Variants in RAPGEF5 observed in about 807,000 individuals in gnomAD.
The protein encoded by RAPGEF5 is M-Ras-regulated GEF.
Under a neutral mutation model 125.2 loss-of-function variants are expected in RAPGEF5, and 65 were observed. That is an observed-to-expected ratio of 0.52 (90% CI 0.43 to 0.64). The LOEUF is 0.64. Ranked by LOEUF, RAPGEF5 falls within the 30% of genes least tolerant of loss-of-function variation. The pLI, the probability that RAPGEF5 is intolerant of heterozygous loss-of-function variation, is 0.00. For missense variants in RAPGEF5, 958 were observed against 1,048.1 expected, an observed-to-expected ratio of 0.91 and a Z score of 1.19; for synonymous variants, 391 against 385.9, an observed-to-expected ratio of 1.01 and a Z score of -0.16.
At chr7:22,327,355 CCT>C (rs1562530481) in intron 1 of RAPGEF5, among the ~76,000 whole-genome samples, 4 of 152,128 alleles carry the variant, frequency 2.6e-5, no homozygotes, top group African/African-American at 7.2e-5. Flanking sequence ...TTGAATTTCC[CCT>C]GATTCATTAC....
chr7:22,232,466 T>G (rs1044677039), intron 7 of RAPGEF5, among the ~76,000 whole-genome samples: 1 of 151,890 alleles, frequency 6.6e-6, no homozygotes, highest in African/African-American at 2.4e-5. Flanking sequence ...ATTACAGGCG[T>G]GCACTACCAT....
At position 22,310,002 on chromosome 7, in the gene RAPGEF5, G is replaced by A; in HGVS notation, c.478C>T (p.Gln160Ter). Residue 160 changes from glutamine to a stop codon, truncating the protein, a stop_gained, in exon 4 of 26, where the codon CAA becomes TAA. Coordinates refer to ENST00000665637, the MANE Select transcript of RAPGEF5 (RefSeq NM_012294.5). LOFTEE classifies it high-confidence loss of function. ...QCRSMAIGVW[Q>*]LLLDMGIMLS... The stretch of plus-strand genomic sequence containing the variant: ...ATAATTCCCATGTCCAGTAGGAGTT[G>A]CCAGACTCCTATGGCCATAGATCTG... 2 of 1,594,442 alleles carry A rather than the reference G, an allele frequency of 1.3e-6. No homozygotes were observed. The highest frequency in any genetic ancestry group is 1.7e-6 in the Non-Finnish European group (2 of 1,173,336).
intron 7 of RAPGEF5, among the ~76,000 whole-genome samples, chr7:22,232,424 T>C (rs1276213036): frequency 1.3e-5 from 2 of 151,918 alleles, no homozygotes; most frequent in East Asian, 3.9e-4. Context: ...CAAGCGATTC[T>C]CCTGCCTCAC....
intron 7 of RAPGEF5, among the ~76,000 whole-genome samples, chr7:22,248,995 C>T (rs781538244): frequency 3.3e-5 from 5 of 152,126 alleles, no homozygotes; most frequent in South Asian, 2.1e-4. Context: ...AAAACAATAA[C>T]AGGATAAGGT....
chr7:22,255,132 A>T (rs1465482463), intron 7 of RAPGEF5, among the ~76,000 whole-genome samples: 1 of 152,170 alleles, frequency 6.6e-6, no homozygotes, highest in Admixed American at 6.5e-5. Context: ...ATGCCTATTT[A>T]AGCTTGAATA....
chr7:22,229,513 T>C lies in RAPGEF5; in HGVS notation c.870+1333A>G, dbSNP rs139289972. The stretch of plus-strand genomic sequence containing the variant: ...AGGTGCTCAAGCCATTAAATGTATA[T>C]ACATCAATCAAATAAATTGTACATA... On this transcript the variant is annotated intron_variant, in intron 8 of 25. Transcript: ENST00000665637. Among the ~76,000 whole-genome samples the C allele has an allele frequency of 1.3e-3, 205 of 152,342 alleles. 2 individuals carry two copies. In the Middle Eastern group the frequency reaches 0.017, roughly 13 times the overall value.
chr7:22,276,949 T>C (rs1057233310), intron 6 of RAPGEF5, among the ~76,000 whole-genome samples: 1 of 152,250 alleles, frequency 6.6e-6, no homozygotes, highest in African/African-American at 2.4e-5. Flanking sequence ...TTAATTGCTT[T>C]AATATTGCAT....
At chr7:22,130,116 A>T (rs1050159099) in intron 24 of RAPGEF5, among the ~76,000 whole-genome samples, 1 of 152,186 alleles carries the variant, frequency 6.6e-6, no homozygotes, top group South Asian at 2.1e-4. Flanking sequence ...CATCACCATT[A>T]CTGAAAAGGT....
rs567565484 is a variant in RAPGEF5 at position 22,154,344 on chromosome 7, G to T, written c.1786+111C>A. On this transcript the variant is annotated intron_variant, in intron 17 of 25. Transcript: ENST00000665637. ...TTCTTATTGTTACTGTGGTCATCCA[G>T]CTGCGGGCCCAGAAGGGAGGAGCTG... is the stretch of plus-strand genomic sequence containing the variant. The T allele has an allele frequency of 8.0e-6, 10 of 1,249,574 alleles. No homozygotes were observed. In the Admixed American group the frequency reaches 1.7e-4, roughly 22 times the overall value. The allele number at this position is 1,249,574 out of a possible 1,614,324, so 77.4% of individuals were successfully genotyped here. A position where few individuals can be genotyped will look rare whatever the true frequency, so the allele number is the denominator to read the frequency against.
intron 11 of RAPGEF5, among the ~76,000 whole-genome samples, chr7:22,168,612 A>C (rs755732193): frequency 2.0e-5 from 3 of 152,232 alleles, no homozygotes; most frequent in Non-Finnish European, 4.4e-5. Flanking sequence ...AAATCTCCAG[A>C]ATTTTTAGGA....
rs569456606 is a variant in RAPGEF5, at chr7:22,219,276, A to G, written c.996+590T>C. 8.5e-5 allele frequency among the ~76,000 whole-genome samples: 13 copies of G among 152,140 alleles called. No individual in the cohort carries two copies. In the South Asian group the frequency reaches 2.3e-3, roughly 27 times the overall value. On this transcript the variant is annotated intron_variant, in intron 9 of 25. Coordinates refer to ENST00000665637, the MANE Select transcript of RAPGEF5 (RefSeq NM_012294.5). ...AGGCTCAATCTGAATAACTGCTTTC[A>G]GGAGGACCAAGCGGAACGTCCCTTT... is the stretch of plus-strand genomic sequence containing the variant.
chr7:22,150,512 T>TTA lies in RAPGEF5; in HGVS notation c.1787-9_1787-8insTA. 1.8e-5 allele frequency: 24 copies of TTA among 1,324,490 alleles called. No homozygotes were observed. Among genetic ancestry groups the TTA allele is most frequent in the Admixed American group, 2.9e-5 (1 of 34,382 alleles). 82.0% of individuals were successfully genotyped at this position (1,324,490 alleles called of 1,614,324 possible). On this transcript the variant is annotated splice_polypyrimidine_tract_variant and intron_variant, in intron 17 of 25. Coordinates refer to ENST00000665637, the MANE Select transcript of RAPGEF5 (RefSeq NM_012294.5). ...GCTGAAGTTCATGCTTTTCTTTATT[T>TTA]GAAAAAAAAAAAAAAAAAAGGAATA...
At chr7:22,174,436 TCTC>T (rs1784444030) in intron 11 of RAPGEF5, among the ~76,000 whole-genome samples, 1 of 152,166 alleles carries the variant, frequency 6.6e-6, no homozygotes, top group Non-Finnish European at 1.5e-5. Context: ...CAGGGCCACA[TCTC>T]CTATGGCAAC....
chr7:22,218,180 A>G (rs773864335), intron 9 of RAPGEF5, among the ~76,000 whole-genome samples: 8 of 151,728 alleles, frequency 5.3e-5, no homozygotes, highest in Non-Finnish European at 8.8e-5. Context: ...ACAGATTTGA[A>G]GAGTATTATA....
intron 23 of RAPGEF5, among the ~76,000 whole-genome samples, chr7:22,133,287 C>T (rs531742470): frequency 7.0e-4 from 107 of 152,020 alleles, no homozygotes; most frequent in African/African-American, 2.5e-3. Context: ...TGCTGCAGTC[C>T]GGGAGAAAGG....
Position 22,202,227 on chromosome 7 carries a change from C to T in RAPGEF5, c.997-8194G>A, listed in dbSNP as rs187941725. 2.0e-4 allele frequency among the ~76,000 whole-genome samples: 31 copies of T among 152,282 alleles called. 1 individual carries two copies. In the South Asian group the frequency reaches 5.0e-3, roughly 24 times the overall value. Reference sequence around the variant, plus strand: ...CTGAGTAATGGGCATAGCACTCTGACGCAGAAATGGAGCTTGATTCTGACT... The same window carrying T: ...CTGAGTAATGGGCATAGCACTCTGATGCAGAAATGGAGCTTGATTCTGACT... On this transcript the variant is annotated intron_variant, in intron 9 of 25. Transcript: ENST00000665637.
intron 1 of RAPGEF5, among the ~76,000 whole-genome samples, chr7:22,353,586 TCATTATAC>T (rs1330963582): frequency 1.3e-5 from 2 of 152,158 alleles, no homozygotes; most frequent in African/African-American, 4.8e-5. Flanking sequence ...GCACAGGTGT[TCATTATAC>T]CATTCTCTCA....
At chr7:22,239,808 G>C (rs561116645) in intron 7 of RAPGEF5, among the ~76,000 whole-genome samples, 96 of 152,234 alleles carry the variant, frequency 6.3e-4, no homozygotes, top group South Asian at 1.2e-3. Flanking sequence ...CCTTTAATTA[G>C]AGCATAAATA....
At chr7:22,243,999 C>T (rs1466309827) in intron 7 of RAPGEF5, among the ~76,000 whole-genome samples, 1 of 152,144 alleles carries the variant, frequency 6.6e-6, no homozygotes, top group African/African-American at 2.4e-5. Context: ...GTTCTACTTT[C>T]TAAGTTCCAC....
Sources: gnomAD v4.1 joint callset for allele counts (sites outside exome capture counted in the v4.1 genomes callset) on GRCh38, gnomAD v4.1.1 for gene constraint, MANE v1.5 for transcripts, NCBI Gene and HGNC (gene_info 2026-07-23, HGNC 2026-07-21) for gene names.